Variants in SGCZ observed in about 807,000 individuals in gnomAD.
SGCZ encodes sarcoglycan zeta.
A neutral mutation model predicts 41.3 loss-of-function variants in SGCZ; 40 were observed. That is an observed-to-expected ratio of 0.97 (90% confidence interval 0.75 to 1.26). The LOEUF is 1.26. Ranked by LOEUF, SGCZ falls within the 50% of genes most tolerant of loss-of-function variation. SGCZ has a pLI of 0.00. For synonymous variants in SGCZ, 206 were observed against 137.5 expected (o/e 1.50, Z -3.49); for missense variants, 552 against 369.8 (o/e 1.49, Z -4.04).
In SGCZ at chr8:14,573,293, G is replaced by A. The variant is rs1804613159; in HGVS notation, c.40-18367C>T. 1.3e-5 allele frequency among the ~76,000 whole-genome samples: 2 copies of A among 148,204 alleles called. 1 individual carries two copies. The highest frequency in any genetic ancestry group is 4.0e-4 in the East Asian group (2 of 4,946). On this transcript the variant is annotated intron_variant, in intron 1 of 7. Coordinates refer to ENST00000382080, the MANE Select transcript of SGCZ (RefSeq NM_139167.4). ...GCTCACTGCAAGCTCCGCCTCCCGG[G>A]TTCAAGCCGTTCTCCGGCCTCAGCC...
At chr8:14,133,928 T>A (rs956210009) in intron 5 of SGCZ, among the ~76,000 whole-genome samples, 1 of 152,214 alleles carries the variant, frequency 6.6e-6, no homozygotes. Context: ...TTAGGTACTA[T>A]GCCACCAGAA....
At chr8:14,644,951 T>TAA (rs112347316) in intron 1 of SGCZ, among the ~76,000 whole-genome samples, 82,438 of 149,582 alleles carry the variant, frequency 0.55, 22,883 homozygotes, top group South Asian at 0.66. Context: ...GTTGCATAAA[T>TAA]AAAAAAAAAA....
intron 3 of SGCZ, among the ~76,000 whole-genome samples, chr8:14,319,076 G>C (rs1801826761): frequency 6.6e-6 from 1 of 151,906 alleles, no homozygotes; most frequent in Non-Finnish European, 1.5e-5. Context: ...AATTATTCAT[G>C]AAATTATGAT....
chr8:15,171,532 T>G (rs527881746), intron 1 of SGCZ, among the ~76,000 whole-genome samples: 1 of 152,334 alleles, frequency 6.6e-6, no homozygotes, highest in Non-Finnish European at 1.5e-5. Flanking sequence ...GTCTAAAAGC[T>G]ACTTCTCTTT....
chr8:14,400,003 C>T (rs1041227339), intron 2 of SGCZ, among the ~76,000 whole-genome samples: 2 of 151,948 alleles, frequency 1.3e-5, no homozygotes, highest in African/African-American at 2.4e-5. Context: ...CATTTTCCTC[C>T]CCCGTTAAGC....
chr8:14,910,746 T>C (rs1799259202), intron 1 of SGCZ, among the ~76,000 whole-genome samples: 1 of 151,978 alleles, frequency 6.6e-6, no homozygotes, highest in Non-Finnish European at 1.5e-5. Flanking sequence ...ATACCTATTA[T>C]GAAAATAGGA....
intron 3 of SGCZ, among the ~76,000 whole-genome samples, chr8:14,267,517 T>C (rs781642094): frequency 6.6e-6 from 1 of 152,118 alleles, no homozygotes; most frequent in African/African-American, 2.4e-5. Context: ...TTATTGTTTA[T>C]TGTTTAGTGC....
At chr8:14,634,974 A>G (rs766612721) in intron 1 of SGCZ, among the ~76,000 whole-genome samples, 5 of 151,788 alleles carry the variant, frequency 3.3e-5, no homozygotes, top group Admixed American at 6.6e-5. Flanking sequence ...TGATATTTAA[A>G]TGATTCTTTG....
At chr8:14,934,793 G>T (rs1305894415) in intron 1 of SGCZ, among the ~76,000 whole-genome samples, 1 of 151,110 alleles carries the variant, frequency 6.6e-6, no homozygotes, top group African/African-American at 2.4e-5. Context: ...AACAAAAAAG[G>T]CAGGAAAAAT....
intron 2 of SGCZ, among the ~76,000 whole-genome samples, chr8:14,363,393 C>T (rs369300413): frequency 4.6e-4 from 70 of 152,198 alleles, no homozygotes; most frequent in African/African-American, 1.5e-3. Context: ...TCAGAAACTA[C>T]GATATGGCAC....
At chr8:14,367,536 G>A (rs1803757275) in intron 2 of SGCZ, among the ~76,000 whole-genome samples, 1 of 152,012 alleles carries the variant, frequency 6.6e-6, no homozygotes, top group African/African-American at 2.4e-5. Context: ...AGGGTTTAAT[G>A]GACTCACAGT....
chr8:14,344,501 A>C (rs1220655603), intron 2 of SGCZ, among the ~76,000 whole-genome samples: 1 of 152,134 alleles, frequency 6.6e-6, no homozygotes, highest in African/African-American at 2.4e-5. Context: ...CAGAGCAGAT[A>C]AACAACATCT....
At chr8:14,687,187 TA>T (rs1485871109) in intron 1 of SGCZ, among the ~76,000 whole-genome samples, 4 of 147,636 alleles carry the variant, frequency 2.7e-5, no homozygotes, top group African/African-American at 7.4e-5. Context: ...TATATATATA[TA>T]TATTTTAATT....
intron 1 of SGCZ, among the ~76,000 whole-genome samples, chr8:14,953,076 T>G (rs918339269): frequency 6.6e-6 from 1 of 152,170 alleles, no homozygotes; most frequent in Non-Finnish European, 1.5e-5. Context: ...CAGACGTTTG[T>G]GTGTGTTTTA....
chr8:14,413,662 A>C (rs1799419777), intron 2 of SGCZ, among the ~76,000 whole-genome samples: 1 of 152,034 alleles, frequency 6.6e-6, no homozygotes, highest in Non-Finnish European at 1.5e-5. Context: ...CATTTTAAAA[A>C]TAAAGCACAT....
intron 2 of SGCZ, among the ~76,000 whole-genome samples, chr8:14,399,347 C>G (rs900392273): frequency 6.6e-6 from 1 of 152,090 alleles, no homozygotes; most frequent in African/African-American, 2.4e-5. Flanking sequence ...CCAGTAGAAT[C>G]TGACAGGCCT....
intron 1 of SGCZ, among the ~76,000 whole-genome samples, chr8:14,692,703 T>A (rs11990657): frequency 0.35 from 53,297 of 152,014 alleles, 11,701 homozygotes; most frequent in African/African-American, 0.63. Context: ...TGCTTAAAAG[T>A]TCCACCTAAA....
chr8:15,026,386 C>G (rs1392236391), intron 1 of SGCZ, among the ~76,000 whole-genome samples: 1 of 152,038 alleles, frequency 6.6e-6, no homozygotes, highest in East Asian at 1.9e-4. Context: ...TTTTAATCAT[C>G]AAGAGATTTT....
chr8:14,647,131 G>T (rs369073659), intron 1 of SGCZ, among the ~76,000 whole-genome samples: 1 of 152,018 alleles, frequency 6.6e-6, no homozygotes, highest in Non-Finnish European at 1.5e-5. Flanking sequence ...TCTCCCTTGC[G>T]CAGAAACATC....
Sources: gnomAD v4.1 joint callset for allele counts (sites outside exome capture counted in the v4.1 genomes callset) on GRCh38, gnomAD v4.1.1 for gene constraint, MANE v1.5 for transcripts, NCBI Gene and HGNC (gene_info 2026-07-23, HGNC 2026-07-21) for gene names.